The following FNBP4 variants were observed in gnomAD, a reference collection of about 807,000 sequenced individuals.
FNBP4 encodes the protein formin-binding protein 4.
A neutral mutation model predicts 119.3 loss-of-function variants in FNBP4; 34 were observed. The observed-to-expected ratio is 0.28, with a 90% CI of 0.22 to 0.38. The LOEUF is 0.38. Among genes scored for constraint, FNBP4 ranks in the 10% least tolerant of loss-of-function variants. The probability of loss-of-function intolerance (pLI) is 1.00; values close to 1 mark genes in which losing one functional copy is unlikely to be tolerated. For synonymous variants in FNBP4, 462 were observed against 430.6 expected, an observed-to-expected ratio of 1.07 and a Z score of -0.90; for missense variants, 1,112 against 1,228.9, an observed-to-expected ratio of 0.90 and a Z score of 1.42.
At chr11:47,720,331 G>A (rs528147151) in intron 15 of FNBP4, among the ~76,000 whole-genome samples, 1 of 152,280 alleles carries the variant, frequency 6.6e-6, no homozygotes, top group South Asian at 2.1e-4. Flanking sequence ...CACTTTGGGA[G>A]GCTGAGGCGG....
At chr11:47,734,920 C>CCA (rs1239145124) in intron 9 of FNBP4, among the ~76,000 whole-genome samples, 1 of 151,426 alleles carries the variant, frequency 6.6e-6, no homozygotes, top group Non-Finnish European at 1.5e-5. Context: ...TTGCAGTGAG[C>CCA]CAAGATTGTG....
chr11:47,735,757 T>G (rs1020967509), intron 9 of FNBP4, among the ~76,000 whole-genome samples: 1 of 152,036 alleles, frequency 6.6e-6, no homozygotes, highest in Middle Eastern at 3.2e-3. Flanking sequence ...TACTACTTGT[T>G]AACAGAAAGC....
At chr11:47,735,168 A>G (rs1266606247) in intron 9 of FNBP4, among the ~76,000 whole-genome samples, 1 of 152,190 alleles carries the variant, frequency 6.6e-6, no homozygotes, top group Non-Finnish European at 1.5e-5. Flanking sequence ...ATATATACAT[A>G]TAACAAATTA....
chr11:47,752,922 C>A lies in FNBP4; in HGVS notation c.631G>T (p.Ala211Ser), dbSNP rs1242648279. The change falls in exon 4 of 17, where the codon GCA (alanine) becomes TCA (serine). Residue 211 changes from alanine to serine, a missense_variant. By Grantham distance (99) the Ala-to-Ser change is moderately conservative (BLOSUM62 1). This residue lies in a region of FNBP4 where 826 missense variants were observed against 988.8 expected (regional missense o/e 0.84). Coordinates refer to ENST00000263773, the MANE Select transcript of FNBP4 (RefSeq NM_015308.5). The stretch of plus-strand genomic sequence containing the variant: ...ATCAAAGGATCAAGTTTACCTCCTG[C>A]CAGTGAACACTGAGTATCATATTGC... ...GWQYDTQCSL[A>S]GVGIEMGDWQ... The A allele has an allele frequency of 6.2e-7, 1 of 1,609,468 alleles. No homozygotes were observed. Among genetic ancestry groups the A allele is most frequent in the African/African-American group, 1.3e-5 (1 of 74,744 alleles).
In FNBP4 at chr11:47,767,330, G is replaced by A. The variant is rs374878939; in HGVS notation, c.-42C>T. The stretch of plus-strand genomic sequence containing the variant: ...AGCAGAGAGCGTCGGGCGGCCGAGA[G>A]GGGCGGGCACTGGAGGCTGGGCGCT... On this transcript the variant is annotated 5_prime_UTR_variant, in exon 1 of 17. Transcript: ENST00000263773. 16 of 1,438,098 alleles carry A rather than the reference G, an allele frequency of 1.1e-5. No homozygotes were observed. Among genetic ancestry groups the A allele is most frequent in the East Asian group, 5.6e-5 (2 of 36,032 alleles). 89.1% of individuals were successfully genotyped at this position (1,438,098 alleles called of 1,614,324 possible).
At chr11:47,761,523 C>T (rs1048482592) in intron 2 of FNBP4, among the ~76,000 whole-genome samples, 6 of 151,846 alleles carry the variant, frequency 4.0e-5, no homozygotes, top group Non-Finnish European at 5.9e-5. Flanking sequence ...ACTCAGGCGA[C>T]GGAGGTTGCA....
chr11:47,736,433 G>A (rs1459204367), intron 9 of FNBP4, among the ~76,000 whole-genome samples, 183 bp downstream of exon 9: 2 of 151,826 alleles, frequency 1.3e-5, no homozygotes, highest in Non-Finnish European at 2.9e-5. Flanking sequence ...GTGCGTGCCT[G>A]TAATCCCAGC....
intron 8 of FNBP4, among the ~76,000 whole-genome samples, chr11:47,742,477 C>CAAAAAAAAAA (rs568784009): frequency 0.07 from 1,656 of 23,782 alleles, 545 homozygotes; most frequent in East Asian, 0.11. Context: ...GACTCCGTCT[C>CAAAAAAAAAA]AAAAAAAAAA....
At chr11:47,765,532 C>T (rs193103187) in intron 1 of FNBP4, among the ~76,000 whole-genome samples, 170 bp from the exon 2 acceptor site, 151 of 120,714 alleles carry the variant, frequency 1.3e-3, no homozygotes, top group African/African-American at 4.8e-3. Context: ...CGGATGGGTT[C>T]GCACCTGTAA....
Position 47,722,152 on chromosome 11 carries a change from T to G in FNBP4, c.2805+824A>C, listed in dbSNP as rs2135068498. On this transcript the variant is annotated intron_variant, in intron 15 of 16. Transcript: ENST00000263773. ...TTCTACAAAAGCAGAGGGTTTTTTT[T>G]TTTTTTGTCTGTTTGATGTACTGCT... 3.3e-5 allele frequency among the ~76,000 whole-genome samples: 5 copies of G among 151,284 alleles called. No individual in the cohort carries two copies. In the South Asian group the frequency reaches 1.0e-3, roughly 32 times the overall value.
intron 2 of FNBP4, among the ~76,000 whole-genome samples, chr11:47,761,906 T>G (rs1276030217): frequency 6.6e-6 from 1 of 151,956 alleles, no homozygotes; most frequent in Non-Finnish European, 1.5e-5. Flanking sequence ...TGGCGTGATC[T>G]TGGCTCACCG....
chr11:47,760,400 T>G (rs2097631285), intron 2 of FNBP4, among the ~76,000 whole-genome samples: 1 of 151,674 alleles, frequency 6.6e-6, no homozygotes, highest in African/African-American at 2.4e-5. Flanking sequence ...TAGTTGGGAT[T>G]ACAAGTGCGT....
chr11:47,748,806 C>A (rs1056179443), intron 6 of FNBP4, among the ~76,000 whole-genome samples: 1 of 151,974 alleles, frequency 6.6e-6, no homozygotes, highest in Non-Finnish European at 1.5e-5. Flanking sequence ...TGTGCCACTA[C>A]ACCCAGTTAT....
chr11:47,719,790 C>CT, intron 16 of FNBP4, 139 bp downstream of exon 16: 1 of 914,314 alleles, frequency 1.1e-6, no homozygotes, highest in Non-Finnish European at 1.6e-6. Context: ...AATTAGAAAC[C>CT]TTTAGATAAA....
chr11:47,727,610 A>C (rs1167750157), intron 12 of FNBP4, among the ~76,000 whole-genome samples: 1 of 152,192 alleles, frequency 6.6e-6, no homozygotes, highest in African/African-American at 2.4e-5. Flanking sequence ...AAACTTTGTT[A>C]TGAGGTCAGC....
chr11:47,764,552 TGAGGAGA>T (rs1241034653), intron 2 of FNBP4, among the ~76,000 whole-genome samples: 1 of 149,932 alleles, frequency 6.7e-6, no homozygotes, highest in Non-Finnish European at 1.5e-5. Flanking sequence ...TGGCAAATGG[TGAGGAGA>T]GAGGAATAAG....
intron 12 of FNBP4, chr11:47,729,431 T>C (rs1273133231): frequency 2.0e-6 from 2 of 985,138 alleles, no homozygotes; most frequent in Non-Finnish European, 2.4e-6. Flanking sequence ...AAACAACAAA[T>C]AATGATTAAA....
chr11:47,758,229 T>C (rs1196186769), intron 2 of FNBP4, among the ~76,000 whole-genome samples: 3 of 152,186 alleles, frequency 2.0e-5, no homozygotes, highest in African/African-American at 7.2e-5. Flanking sequence ...GGACTAGAGA[T>C]GCGCACCACT....
In FNBP4 at chr11:47,716,527, A is replaced by T. The variant is rs2097550003; in HGVS notation, c.*895T>A. The T allele has an allele frequency of 6.6e-6, 1 of 152,656 alleles. No individual in the cohort carries two copies. Among genetic ancestry groups the T allele is most frequent in the South Asian group, 2.1e-4 (1 of 4,830 alleles). 9.5% of individuals were successfully genotyped at this position (152,656 alleles called of 1,614,324 possible). On this transcript the variant is annotated 3_prime_UTR_variant, in exon 17 of 17. Coordinates refer to ENST00000263773, the MANE Select transcript of FNBP4 (RefSeq NM_015308.5). Reference sequence around the variant, plus strand: ...CAAAAGGATAACCCATCAGGATTATAAAAAAAGCTTTATTAGTGCATATAT... The same window carrying T: ...CAAAAGGATAACCCATCAGGATTATTAAAAAAGCTTTATTAGTGCATATAT...
Sources: gnomAD v4.1 joint callset for allele counts (sites outside exome capture counted in the v4.1 genomes callset) on GRCh38, gnomAD v4.1.1 for gene constraint, gnomAD v4.1.1 regional missense constraint, MANE v1.5 for transcripts, NCBI Gene and HGNC (gene_info 2026-07-23, HGNC 2026-07-21) for gene names.